The following PLPPR1 variants were observed in gnomAD, a reference collection of about 807,000 sequenced individuals.
PLPPR1 encodes phospholipid phosphatase-related protein type 1.
In PLPPR1, 10 loss-of-function variants were observed where a neutral mutation model predicts 33.1. The observed-to-expected ratio is 0.30, with a 90% CI of 0.19 to 0.51. The LOEUF (loss-of-function observed/expected upper bound fraction) is 0.51. Ranked by LOEUF, PLPPR1 falls within the 20% of genes least tolerant of loss-of-function variation. PLPPR1 has a pLI of 0.97. For missense variants in PLPPR1, 304 were observed against 408.1 expected (o/e 0.74, Z 2.20); for synonymous variants, 151 against 151.0 (o/e 1.00, Z 0.00).
chr9:101,057,138 A>G (rs1401326188), intron 1 of PLPPR1, among the ~76,000 whole-genome samples: 1 of 152,186 alleles, frequency 6.6e-6, no homozygotes, highest in Non-Finnish European at 1.5e-5. Context: ...CACTTAGTTC[A>G]TTGCTTAGCA....
chr9:101,176,471 T>C (rs150108653), intron 1 of PLPPR1, among the ~76,000 whole-genome samples: 2,306 of 152,308 alleles, frequency 0.015, 29 homozygotes, highest in Non-Finnish European at 0.024. Context: ...AGAGGAAGCC[T>C]AATGTGAAGT....
chr9:101,181,642 GTATATACA>G (rs1826112943), intron 1 of PLPPR1, among the ~76,000 whole-genome samples: 1 of 148,080 alleles, frequency 6.8e-6, no homozygotes, highest in African/African-American at 2.5e-5. Context: ...GTATGTGTAT[GTATATACA>G]TGTATGTATG....
intron 2 of PLPPR1, among the ~76,000 whole-genome samples, chr9:101,190,245 T>G (rs1826272991): frequency 6.6e-6 from 1 of 152,172 alleles, no homozygotes; most frequent in South Asian, 2.1e-4. Flanking sequence ...TTTGTAGGTA[T>G]TTGCAGTGGA....
intron 1 of PLPPR1, among the ~76,000 whole-genome samples, chr9:101,166,163 C>T (rs1825855635): frequency 6.6e-6 from 1 of 152,216 alleles, no homozygotes; most frequent in South Asian, 2.1e-4. Context: ...TCCACATTGC[C>T]TGGGCCCTTT....
intron 1 of PLPPR1, among the ~76,000 whole-genome samples, chr9:101,084,021 T>G (rs1830650034): frequency 6.6e-6 from 1 of 152,142 alleles, no homozygotes; most frequent in Admixed American, 6.5e-5. Flanking sequence ...GTGGCTGGGT[T>G]TAGAGGAGTT....
intron 2 of PLPPR1, among the ~76,000 whole-genome samples, chr9:101,267,226 G>A (rs1356653661): frequency 6.6e-6 from 1 of 152,192 alleles, no homozygotes; most frequent in Admixed American, 6.5e-5. Context: ...CACTTAACAA[G>A]TCAAGCATAA....
At chr9:101,190,984 C>T (rs1385219835) in intron 2 of PLPPR1, among the ~76,000 whole-genome samples, 1 of 152,156 alleles carries the variant, frequency 6.6e-6, no homozygotes, top group East Asian at 1.9e-4. Flanking sequence ...CTCTTTTGTA[C>T]ATCTCCCAGT....
At chr9:101,046,670 C>G (rs186183290) in intron 1 of PLPPR1, among the ~76,000 whole-genome samples, 1 of 151,870 alleles carries the variant, frequency 6.6e-6, no homozygotes, top group African/African-American at 2.4e-5. Context: ...GTCTCGATCT[C>G]CTGACCTCGT....
intron 2 of PLPPR1, among the ~76,000 whole-genome samples, chr9:101,228,689 G>T (rs1827122324): frequency 6.6e-6 from 1 of 152,120 alleles, no homozygotes; most frequent in South Asian, 2.1e-4. Context: ...AGGGAAATGA[G>T]ATTATTTAAA....
intron 2 of PLPPR1, among the ~76,000 whole-genome samples, chr9:101,196,274 A>G (rs1380828893): frequency 6.6e-6 from 1 of 152,190 alleles, no homozygotes; most frequent in Non-Finnish European, 1.5e-5. Context: ...AACAGACTTT[A>G]TAGGAAGTCT....
At chr9:101,240,004 T>C (rs1827429564) in intron 2 of PLPPR1, among the ~76,000 whole-genome samples, 1 of 152,056 alleles carries the variant, frequency 6.6e-6, no homozygotes, top group African/African-American at 2.4e-5. Flanking sequence ...TCTTAAGTTA[T>C]CTCCTAGTAG....
At chr9:101,153,149 C>G (rs1432779769) in intron 1 of PLPPR1, among the ~76,000 whole-genome samples, 1 of 152,142 alleles carries the variant, frequency 6.6e-6, no homozygotes, top group Non-Finnish European at 1.5e-5. Flanking sequence ...GTAGTTTATT[C>G]TCTTTGAAGC....
chr9:101,278,076 A>G (rs1828230296), intron 3 of PLPPR1, among the ~76,000 whole-genome samples: 1 of 152,226 alleles, frequency 6.6e-6, no homozygotes, highest in Admixed American at 6.5e-5. Context: ...CTAGAGCCAC[A>G]ACTAGCATAT....
At chr9:101,308,438 G>T (rs1235961120) in intron 4 of PLPPR1, among the ~76,000 whole-genome samples, 2 of 152,198 alleles carry the variant, frequency 1.3e-5, no homozygotes, top group African/African-American at 4.8e-5. Flanking sequence ...GTTTAGCTTA[G>T]TGGAACCTAT....
rs748221885 is a variant in PLPPR1 at position 101,323,986 on chromosome 9, C to A, written c.946-39C>A. On this transcript the variant is annotated intron_variant, in intron 7 of 7. Coordinates refer to ENST00000374874, the MANE Select transcript of PLPPR1 (RefSeq NM_207299.2). ...AAGTGAGTGTGCACGTGTCAGGCAA[C>A]CCTATCTCAGATTTTATCTGCTTGT... 14 of 1,602,604 alleles carry A rather than the reference C, an allele frequency of 8.7e-6. 1 individual carries two copies. Among genetic ancestry groups the A allele is most frequent in the South Asian group, 4.4e-5 (4 of 90,528 alleles).
intron 1 of PLPPR1, among the ~76,000 whole-genome samples, chr9:101,171,167 A>C (rs1825936733): frequency 6.6e-6 from 1 of 152,104 alleles, no homozygotes; most frequent in Non-Finnish European, 1.5e-5. Context: ...AGTCCTGGTC[A>C]CTTACTTGAG....
intron 2 of PLPPR1, among the ~76,000 whole-genome samples, chr9:101,227,769 T>A (rs1030345237): frequency 2.0e-5 from 3 of 152,164 alleles, no homozygotes; most frequent in Non-Finnish European, 4.4e-5. Flanking sequence ...AGTTTTTCAA[T>A]TTTGTTCCTG....
chr9:101,087,454 C>T (rs1459760027), intron 1 of PLPPR1, among the ~76,000 whole-genome samples: 4 of 152,158 alleles, frequency 2.6e-5, no homozygotes, highest in Admixed American at 6.5e-5. Context: ...AAGAAAAGAA[C>T]GAGAGATGTA....
At chr9:101,110,965 A>C (rs1221982849) in intron 1 of PLPPR1, among the ~76,000 whole-genome samples, 1 of 152,154 alleles carries the variant, frequency 6.6e-6, no homozygotes, top group Non-Finnish European at 1.5e-5. Context: ...ATAATCGTGA[A>C]GAATTGGGAG....
Sources: gnomAD v4.1 joint callset for allele counts (sites outside exome capture counted in the v4.1 genomes callset) on GRCh38, gnomAD v4.1.1 for gene constraint, MANE v1.5 for transcripts, NCBI Gene and HGNC (gene_info 2026-07-23, HGNC 2026-07-21) for gene names.